LINC00632: variants seen among roughly 807,000 people sequenced by gnomAD.
LINC00632 encodes ALDOA related specific transcript.
At chrX:140,774,035 A>T (rs1931842578) in exon 4 of LINC00632, among the ~76,000 whole-genome samples, 1 of 112,529 alleles carries the variant, frequency 8.9e-6, no homozygotes, top group South Asian at 3.7e-4. Context: ...TGGTAGAAGA[A>T]ATTGAAAATA....
At position 140,743,437 on chromosome X, in the gene LINC00632, G is replaced by GT. The variant is rs199605950; in HGVS notation, n.191+9480dup. Among the ~76,000 whole-genome samples, 668 of 109,118 alleles carry GT rather than the reference G, an allele frequency of 6.1e-3. 1 individual carries two copies. Among genetic ancestry groups the GT allele is most frequent in the African/African-American group, 0.014 (423 of 29,808 alleles). 94.8% of individuals were successfully genotyped at this position (109,118 alleles called of 115,157 possible). On this transcript the variant is annotated intron_variant and non_coding_transcript_variant, in intron 3 of 4. Transcript: ENST00000648200. ...GCTTATCAGCTTCTGCAGTAAGAGA[G>GT]TTTTTTTATGTTTATTCTGCTTTAA...
intron 2 of LINC00632, among the ~76,000 whole-genome samples, chrX:140,725,828 C>T (rs1172849139): frequency 3.6e-5 from 4 of 111,838 alleles, no homozygotes; most frequent in East Asian, 2.8e-4. Flanking sequence ...GTCTTCATAA[C>T]ATGAAGGCTT....
At chrX:140,765,370 G>T (rs766135041) in intron 3 of LINC00632, among the ~76,000 whole-genome samples, 1 of 111,746 alleles carries the variant, frequency 8.9e-6, no homozygotes, top group Non-Finnish European at 1.9e-5. Flanking sequence ...GCCCCAAGTT[G>T]CAAAGCTTTG....
intron 3 of LINC00632, among the ~76,000 whole-genome samples, chrX:140,735,629 C>G (rs1361254896): frequency 2.0e-4 from 22 of 111,003 alleles, no homozygotes; most frequent in African/African-American, 6.2e-4. Flanking sequence ...TGCAATGGCG[C>G]AATCTCGGCT....
At chrX:140,782,689 G>A (rs1602757591) in exon 5 of LINC00632, 1 of 111,305 alleles carries the variant, frequency 9.0e-6, no homozygotes, top group Non-Finnish European at 1.9e-5. Flanking sequence ...GTTTTACAGT[G>A]TATTTTTATC....
At chrX:140,780,757 A>G (rs1204694475) in exon 5 of LINC00632, among the ~76,000 whole-genome samples, 2 of 111,634 alleles carry the variant, frequency 1.8e-5, no homozygotes, top group Non-Finnish European at 3.8e-5. Flanking sequence ...CTATGATGGC[A>G]TTCAAGAAGT....
At chrX:140,729,980 G>C (rs1017380905) in intron 2 of LINC00632, among the ~76,000 whole-genome samples, 22 of 105,827 alleles carry the variant, frequency 2.1e-4, no homozygotes, top group South Asian at 8.9e-4. Flanking sequence ...GGGTTCAAGC[G>C]ATTCTCCTGC....
chrX:140,725,947 A>G (rs1364941767), intron 2 of LINC00632, among the ~76,000 whole-genome samples: 3 of 110,894 alleles, frequency 2.7e-5, no homozygotes, highest in Non-Finnish European at 5.7e-5. Context: ...ACACTATGAC[A>G]CTCATACTCA....
intron 2 of LINC00632, among the ~76,000 whole-genome samples, chrX:140,726,779 A>G (rs558864430): frequency 7.3e-4 from 82 of 111,764 alleles, no homozygotes; most frequent in African/African-American, 2.5e-3. Flanking sequence ...TAAGATATAG[A>G]TTTCTCAGAA....
At chrX:140,762,121 A>C (rs752111548) in intron 3 of LINC00632, among the ~76,000 whole-genome samples, 4 of 111,399 alleles carry the variant, frequency 3.6e-5, no homozygotes, top group East Asian at 5.6e-4. Flanking sequence ...TGTAAATTTC[A>C]AAGTGCCATT....
chrX:140,710,703 G>T (rs1027205936), intron 1 of LINC00632, among the ~76,000 whole-genome samples: 1 of 110,643 alleles, frequency 9.0e-6, no homozygotes, highest in Non-Finnish European at 1.9e-5. Context: ...GCCCTTGAAC[G>T]TGAGGAAAAG....
intron 2 of LINC00632, among the ~76,000 whole-genome samples, chrX:140,725,568 C>A (rs1265613905): frequency 8.9e-6 from 1 of 111,862 alleles, no homozygotes; most frequent in Non-Finnish European, 1.9e-5. Context: ...ATTAACCCAA[C>A]GAAATACTTT....
intron 3 of LINC00632, among the ~76,000 whole-genome samples, chrX:140,761,598 A>G (rs994524033): frequency 2.3e-4 from 26 of 112,884 alleles, no homozygotes; most frequent in African/African-American, 5.8e-4. Context: ...TCAGAAAAGG[A>G]TTTAGGGTAG....
rs1241122383 is a variant in LINC00632, at chrX:140,759,067, C to T, written n.192-13011C>T. Reference sequence around the variant, plus strand: ...GCAACCTCCACCTCCCGGGTTCAAGCGATTCTCCTGCCTCAGCCTCCCGAA... The same window carrying T: ...GCAACCTCCACCTCCCGGGTTCAAGTGATTCTCCTGCCTCAGCCTCCCGAA... On this transcript the variant is annotated intron_variant and non_coding_transcript_variant, in intron 3 of 4. Coordinates refer to ENST00000648200, the Ensembl canonical transcript of LINC00632. Among the ~76,000 whole-genome samples, 19 of 103,756 alleles carry T rather than the reference C, an allele frequency of 1.8e-4. No homozygotes were observed. The East Asian group carries it at 5.6e-3, about 30-fold the overall frequency. 90.1% of individuals were successfully genotyped at this position (103,756 alleles called of 115,157 possible). A position where few individuals can be genotyped will look rare whatever the true frequency, so the allele number is the denominator to read the frequency against.
chrX:140,767,061 G>A (rs1303527231), intron 3 of LINC00632, among the ~76,000 whole-genome samples: 1 of 111,449 alleles, frequency 9.0e-6, no homozygotes, highest in Non-Finnish European at 1.9e-5. Flanking sequence ...GAAGTTTCTT[G>A]TGTTAGGATG....
At chrX:140,761,689 G>A (rs1474983780) in intron 3 of LINC00632, among the ~76,000 whole-genome samples, 5 of 112,490 alleles carry the variant, frequency 4.4e-5, no homozygotes, top group Non-Finnish European at 1.9e-5. Context: ...TTTATGTGTC[G>A]TGCATCATAA....
intron 3 of LINC00632, among the ~76,000 whole-genome samples, chrX:140,737,428 G>A (rs1278929624): frequency 9.0e-6 from 1 of 111,478 alleles, no homozygotes; most frequent in Non-Finnish European, 1.9e-5. Flanking sequence ...ATTTAGGGTA[G>A]CTATCACCTG....
At chrX:140,731,193 G>A (rs1379974265) in intron 2 of LINC00632, among the ~76,000 whole-genome samples, 1 of 112,094 alleles carries the variant, frequency 8.9e-6, no homozygotes, top group African/African-American at 3.2e-5. Flanking sequence ...TAGCTAGCAC[G>A]CCCAGCCAAC....
chrX:140,751,853 A>T (rs1931415451), intron 3 of LINC00632, among the ~76,000 whole-genome samples: 1 of 111,665 alleles, frequency 9.0e-6, no homozygotes, highest in African/African-American at 3.3e-5. Flanking sequence ...TCCACCCTAC[A>T]GGCCTCCTTA....
Sources: allele counts gnomAD v4.1 joint callset (sites outside exome capture counted in the v4.1 genomes callset), GRCh38; gene constraint gnomAD v4.1.1; transcripts MANE v1.5; gene names NCBI Gene and HGNC (gene_info 2026-07-23, HGNC 2026-07-21).